Variants in MCC observed in about 807,000 individuals in gnomAD.
MCC encodes colorectal mutant cancer protein.
Under a neutral mutation model 116.2 loss-of-function variants are expected in MCC, and 90 were observed. That is an observed-to-expected ratio of 0.77 (90% confidence interval 0.65 to 0.92). The LOEUF (loss-of-function observed/expected upper bound fraction) is 0.92, where lower values mean the gene tolerates loss of function less well. Among genes scored for constraint, MCC ranks in the 40% least tolerant of loss-of-function variants. The probability of loss-of-function intolerance (pLI) is 0.00; values close to 1 mark genes in which losing one functional copy is unlikely to be tolerated. For synonymous variants in MCC, 578 were observed against 510.5 expected (o/e 1.13, Z -1.78); for missense variants, 1,516 against 1,312.2 (o/e 1.16, Z -2.40).
chr5:113,215,305 G>C (rs1763272481), intron 3 of MCC, among the ~76,000 whole-genome samples: 1 of 152,202 alleles, frequency 6.6e-6, no homozygotes, highest in South Asian at 2.1e-4. Context: ...AGGGAGATTA[G>C]AATGGAACCT....
intron 13 of MCC, 97 bp downstream of exon 13, chr5:113,067,983 T>A: frequency 9.6e-7 from 1 of 1,044,302 alleles, no homozygotes. Flanking sequence ...AAATTTTGTG[T>A]TGTCGGGAGA....
chr5:113,265,253 T>C (rs1457060416), intron 3 of MCC, among the ~76,000 whole-genome samples: 1 of 152,112 alleles, frequency 6.6e-6, no homozygotes, highest in Admixed American at 6.5e-5. Context: ...CTGAGACCCT[T>C]AGAGAATTAG....
intron 3 of MCC, among the ~76,000 whole-genome samples, chr5:113,169,543 T>C (rs1327258033): frequency 6.6e-6 from 1 of 152,102 alleles, no homozygotes; most frequent in Non-Finnish European, 1.5e-5. Context: ...AAGGTTGTTC[T>C]TGAAAAAATG....
At chr5:113,313,352 AAAAC>A (rs545955444) in intron 3 of MCC, among the ~76,000 whole-genome samples, 161 of 152,262 alleles carry the variant, frequency 1.1e-3, no homozygotes, top group African/African-American at 3.7e-3. Flanking sequence ...TCAAAAACAA[AAAAC>A]AAACAAACAA....
chr5:113,250,254 G>A (rs1172408296), intron 3 of MCC, among the ~76,000 whole-genome samples: 1 of 152,198 alleles, frequency 6.6e-6, no homozygotes. Context: ...AGTCACCAAG[G>A]AGCATCTTCC....
At chr5:113,202,710 G>T (rs1762736187) in intron 3 of MCC, among the ~76,000 whole-genome samples, 1 of 149,492 alleles carries the variant, frequency 6.7e-6, no homozygotes, top group Non-Finnish European at 1.5e-5. Context: ...TATGACTTCT[G>T]TTCCCATTCC....
At chr5:113,280,377 A>G (rs928776859) in intron 3 of MCC, among the ~76,000 whole-genome samples, 1 of 152,150 alleles carries the variant, frequency 6.6e-6, no homozygotes, top group Non-Finnish European at 1.5e-5. Context: ...ATTCTTTATT[A>G]TCATGTATTC....
chr5:113,348,322 A>G (rs886922627), intron 2 of MCC, among the ~76,000 whole-genome samples: 1 of 152,102 alleles, frequency 6.6e-6, no homozygotes, highest in Non-Finnish European at 1.5e-5. Flanking sequence ...GTCACAAAGC[A>G]AAAGTATTAA....
chr5:113,306,143 T>C (rs551866423), intron 3 of MCC, among the ~76,000 whole-genome samples: 3 of 152,342 alleles, frequency 2.0e-5, no homozygotes, highest in Admixed American at 6.5e-5. Context: ...ATTTTGTTTA[T>C]CCGTTCATCA....
In MCC at chr5:113,434,685, A is replaced by G. The variant is rs774231170; in HGVS notation, c.171-49473T>C. On this transcript the variant is annotated intron_variant, in intron 1 of 18. Coordinates refer to ENST00000408903, the MANE Select transcript of MCC (RefSeq NM_001085377.2). This position sits in a 1 kb window ranked among gnomAD's most constrained non-coding sequence, Gnocchi z 4.2. ...TTCCCGGGGAAGGAATTTCTCCAAG[A>G]AGTCTGCGGGGGCCTTCTTGCGGTC... 2 of 1,613,980 alleles carry G rather than the reference A, an allele frequency of 1.2e-6. No individual in the cohort carries two copies.
intron 11 of MCC, among the ~76,000 whole-genome samples, chr5:113,074,898 G>T (rs527266123): frequency 2.1e-4 from 32 of 152,208 alleles, no homozygotes; most frequent in African/African-American, 7.2e-4. Context: ...AGGTGACAAA[G>T]TGCTAGCAGC....
chr5:113,342,034 C>T (rs1561531143), intron 2 of MCC, among the ~76,000 whole-genome samples: 1 of 151,388 alleles, frequency 6.6e-6, no homozygotes, highest in African/African-American at 2.4e-5. Context: ...CTGTGTCACT[C>T]TTATGCCTTT....
intron 2 of MCC, among the ~76,000 whole-genome samples, chr5:113,352,639 CT>C (rs967044065): frequency 6.6e-5 from 10 of 151,826 alleles, no homozygotes; most frequent in South Asian, 2.1e-4. Flanking sequence ...AAATTATTTC[CT>C]TTTTTTTCCC....
At chr5:113,289,234 G>C (rs2150360323) in intron 3 of MCC, among the ~76,000 whole-genome samples, 1 of 151,684 alleles carries the variant, frequency 6.6e-6, no homozygotes, top group Admixed American at 6.6e-5. Context: ...AGGAGGCTGA[G>C]GCAGGAGAAT....
At chr5:113,451,869 TTAAC>T (rs1412438784) in intron 1 of MCC, among the ~76,000 whole-genome samples, 3 of 152,218 alleles carry the variant, frequency 2.0e-5, no homozygotes, top group African/African-American at 7.2e-5. Flanking sequence ...ATCAGTGTGT[TTAAC>T]TACTCATGAT....
At chr5:113,123,083 T>C (rs1274056844) in intron 5 of MCC, among the ~76,000 whole-genome samples, 1 of 152,198 alleles carries the variant, frequency 6.6e-6, no homozygotes, top group African/African-American at 2.4e-5. Context: ...GCAGAAACTC[T>C]TCCCCTTTAA....
intron 1 of MCC, among the ~76,000 whole-genome samples, chr5:113,406,591 T>C (rs1483558539): frequency 6.6e-6 from 1 of 152,188 alleles, no homozygotes; most frequent in Non-Finnish European, 1.5e-5. Flanking sequence ...TACTCACTAG[T>C]GAAAGTATAA....
intron 1 of MCC, among the ~76,000 whole-genome samples, chr5:113,424,145 ACAC>A (rs1770420694): frequency 6.9e-6 from 1 of 145,872 alleles, no homozygotes; most frequent in Admixed American, 6.8e-5. Flanking sequence ...ACACACACAC[ACAC>A]ACACACACAC....
intron 8 of MCC, among the ~76,000 whole-genome samples, chr5:113,086,398 G>A (rs1280267886): frequency 1.3e-5 from 2 of 152,116 alleles, no homozygotes; most frequent in African/African-American, 4.8e-5. Flanking sequence ...CTGTATTGGG[G>A]AAAATATTAG....
Sources: gnomAD v4.1 joint callset for allele counts (sites outside exome capture counted in the v4.1 genomes callset) on GRCh38, gnomAD v4.1.1 for gene constraint, Gnocchi (gnomAD v3.1) non-coding constraint, MANE v1.5 for transcripts, NCBI Gene and HGNC (gene_info 2026-07-23, HGNC 2026-07-21) for gene names.